BAZ2B: variants seen among roughly 807,000 people sequenced by gnomAD.
BAZ2B encodes bromodomain adjacent to zinc finger domain protein 2B.
A neutral mutation model predicts 246.0 loss-of-function variants in BAZ2B; 91 were observed. The observed-to-expected ratio is 0.37, with a 90% CI of 0.31 to 0.44. BAZ2B has a LOEUF of 0.44. Among genes scored for constraint, BAZ2B ranks in the 20% least tolerant of loss-of-function variants. BAZ2B has a pLI of 1.00. For synonymous variants in BAZ2B, 855 were observed against 860.0 expected, an observed-to-expected ratio of 0.99 and a Z score of 0.10; for missense variants, 2,332 against 2,533.7, an observed-to-expected ratio of 0.92 and a Z score of 1.71.
intron 2 of BAZ2B, among the ~76,000 whole-genome samples, chr2:159,546,042 G>A (rs2087292266): frequency 6.6e-6 from 1 of 152,096 alleles, no homozygotes; most frequent in Non-Finnish European, 1.5e-5. Flanking sequence ...ATGTTTTTGT[G>A]AAAATGAATC....
chr2:159,398,612 C>T (rs992657444), intron 18 of BAZ2B, among the ~76,000 whole-genome samples: 1 of 151,992 alleles, frequency 6.6e-6, no homozygotes, highest in African/African-American at 2.4e-5. Context: ...GTCTCCTAAA[C>T]AGCTCAAAGC....
chr2:159,360,100 G>C (rs2059523603), intron 27 of BAZ2B, among the ~76,000 whole-genome samples: 1 of 152,280 alleles, frequency 6.6e-6, no homozygotes, highest in South Asian at 2.1e-4. Context: ...TGGAAGTTCT[G>C]GCCGGGGCAA....
At chr2:159,574,136 C>CAT (rs765289952) in intron 1 of BAZ2B, among the ~76,000 whole-genome samples, 4,561 of 101,900 alleles carry the variant, frequency 0.045, 84 homozygotes, top group Non-Finnish European at 0.064. Flanking sequence ...CACACACACA[C>CAT]ACACATACAC....
intron 27 of BAZ2B, among the ~76,000 whole-genome samples, chr2:159,370,552 T>G (rs1012192737): frequency 6.6e-6 from 1 of 151,804 alleles, no homozygotes; most frequent in African/African-American, 2.4e-5. Flanking sequence ...TTTTGTATTT[T>G]TAGTAGAGAC....
At chr2:159,449,252 CT>C (rs1158004596) in intron 4 of BAZ2B, among the ~76,000 whole-genome samples, 1 of 152,080 alleles carries the variant, frequency 6.6e-6, no homozygotes, top group Admixed American at 6.5e-5. Context: ...ATGAAGTAAT[CT>C]TATATTGACC....
chr2:159,450,453 C>T (rs1285171551), intron 4 of BAZ2B, among the ~76,000 whole-genome samples: 3 of 150,096 alleles, frequency 2.0e-5, no homozygotes, highest in South Asian at 2.1e-4. Flanking sequence ...TTATAAATAA[C>T]CTGACACCAC....
At chr2:159,607,499 C>T (rs13021745) in intron 1 of BAZ2B, among the ~76,000 whole-genome samples, 140,492 of 152,132 alleles carry the variant, frequency 0.92, 65,367 homozygotes, top group East Asian at 1. Flanking sequence ...AAGCCTATCA[C>T]TGAAATGGAG....
intron 13 of BAZ2B, among the ~76,000 whole-genome samples, chr2:159,424,135 G>GT (rs1000853661): frequency 1.3e-5 from 2 of 152,170 alleles, no homozygotes; most frequent in African/African-American, 2.4e-5. Context: ...AAAGAAAAAA[G>GT]TTTTTTCAAT....
chr2:159,324,295 G>T (rs1017503758), intron 36 of BAZ2B, among the ~76,000 whole-genome samples: 1 of 152,026 alleles, frequency 6.6e-6, no homozygotes, highest in Non-Finnish European at 1.5e-5. Flanking sequence ...TTTAATAAAT[G>T]GAATTTTGGT....
At chr2:159,620,295 C>T (rs1352015204), upstream of BAZ2B, among the ~76,000 whole-genome samples, 2 of 152,130 alleles carry the variant, frequency 1.3e-5, no homozygotes, top group Non-Finnish European at 2.9e-5. Flanking sequence ...TATCTTGTTT[C>T]TGTTTCAATC....
intron 2 of BAZ2B, among the ~76,000 whole-genome samples, chr2:159,539,541 C>T (rs2086404248): frequency 6.6e-6 from 1 of 152,156 alleles, no homozygotes. Context: ...TCAAATTAAA[C>T]ATGGTGGTGG....
chr2:159,666,311 G>A, the BAZ2B span, among the ~76,000 whole-genome samples: 1 of 145,664 alleles, frequency 6.9e-6, no homozygotes, highest in East Asian at 2.0e-4. Context: ...CCAGGCTAGA[G>A]TGCAATGGCC....
At position 159,382,496 on chromosome 2, in the gene BAZ2B, T is replaced by G. The variant is rs1248235339; in HGVS notation, c.4005+63A>C. 6.1e-6 allele frequency: 9 copies of G among 1,474,496 alleles called. No individual in the cohort carries two copies. In the East Asian group the frequency reaches 2.2e-4, roughly 37 times the overall value. The allele number at this position is 1,474,496 out of a possible 1,614,324, so 91.3% of individuals were successfully genotyped here. ...AAATCCGAATCCATCTGACTCCAAA[T>G]TCTGTTTTTAAAAATATGTTATGCA... On this transcript the variant is annotated intron_variant, in intron 25 of 36. Coordinates refer to ENST00000392783, the MANE Select transcript of BAZ2B (RefSeq NM_013450.4).
At chr2:159,572,212 C>T (rs1203109626) in intron 1 of BAZ2B, among the ~76,000 whole-genome samples, 2 of 152,136 alleles carry the variant, frequency 1.3e-5, no homozygotes, top group African/African-American at 2.4e-5. Flanking sequence ...CAACTGGATG[C>T]TCATTTGTTA....
intron 1 of BAZ2B, among the ~76,000 whole-genome samples, chr2:159,600,193 T>C (rs2151755869): frequency 6.6e-6 from 1 of 152,248 alleles, no homozygotes; most frequent in African/African-American, 2.4e-5. Context: ...GAAGCCTGTG[T>C]AGTTAATATT....
At chr2:159,571,231 T>G (rs1578485391) in intron 1 of BAZ2B, among the ~76,000 whole-genome samples, 1 of 152,096 alleles carries the variant, frequency 6.6e-6, no homozygotes, top group Non-Finnish European at 1.5e-5. Flanking sequence ...CTGATGGGGT[T>G]CAGGAAATGC....
chr2:159,689,581 C>A, the BAZ2B span: 3 of 231,902 alleles, frequency 1.3e-5, no homozygotes, highest in African/African-American at 4.7e-5. Context: ...ACCATGTTGG[C>A]CAGGCTGGTC....
chr2:159,568,941 T>C (rs1026086335), intron 1 of BAZ2B, among the ~76,000 whole-genome samples: 2 of 152,202 alleles, frequency 1.3e-5, no homozygotes, highest in African/African-American at 4.8e-5. Context: ...AGTTTTATTA[T>C]ACTATTTACA....
intron 2 of BAZ2B, among the ~76,000 whole-genome samples, chr2:159,499,177 C>T (rs978219029): frequency 9.2e-5 from 14 of 152,050 alleles, no homozygotes; most frequent in African/African-American, 2.4e-4. Context: ...CTCTCACCCC[C>T]GTCCCCGCCA....
Sources: gnomAD v4.1 joint callset for allele counts (sites outside exome capture counted in the v4.1 genomes callset) on GRCh38, gnomAD v4.1.1 for gene constraint, MANE v1.5 for transcripts, NCBI Gene and HGNC (gene_info 2026-07-23, HGNC 2026-07-21) for gene names.